The following SLC29A3 variants were observed in gnomAD, a reference collection of about 807,000 sequenced individuals.
The protein encoded by SLC29A3 is solute carrier family 29 member 3, also known as equilibrative nucleoside transporter 3.
A neutral mutation model predicts 25.4 loss-of-function variants in SLC29A3; 18 were observed. The ratio of observed to expected loss-of-function variants is 0.71; its 90% CI spans 0.49 to 1.05. The LOEUF is 1.05. SLC29A3 is among the 50% of genes least tolerant of loss of function. SLC29A3 has a pLI of 0.00. For missense variants in SLC29A3, 586 were observed against 609.0 expected (o/e 0.96, Z 0.40); for synonymous variants, 258 against 267.1 (o/e 0.97, Z 0.33).
At position 71,374,630 on chromosome 10, in the gene SLC29A3, G is replaced by C. The variant is rs189651080; in HGVS notation, c.*95-1065G>C. Among the ~76,000 whole-genome samples, 3 of 152,318 alleles carry C rather than the reference G, an allele frequency of 2.0e-5. No homozygotes were observed. The East Asian group carries it at 5.8e-4, about 29-fold the overall frequency. On this transcript the variant is annotated intron_variant and NMD_transcript_variant, in intron 3 of 4. Transcript: ENST00000642772. ...CCCTGTCCCCATCTCCATCCTGGAA[G>C]GGTGCAGGTCCTCAGCTGGCAGCGG...
At chr10:71,319,354 C>A (rs1466816175) in intron 1 of SLC29A3, 44 bp downstream of exon 1, 3 of 619,802 alleles carry the variant, frequency 4.8e-6, no homozygotes, top group South Asian at 1.7e-5. Context: ...CGGTCCCGGC[C>A]GCCCCCAGAC....
At chr10:71,334,951 T>C (rs966304966) in intron 2 of SLC29A3, among the ~76,000 whole-genome samples, 3 of 131,250 alleles carry the variant, frequency 2.3e-5, no homozygotes, top group African/African-American at 3.2e-5. Flanking sequence ...TGACTCTTTT[T>C]TTTTCTTTTT....
chr10:71,334,679 A>G (rs979542037), intron 2 of SLC29A3, among the ~76,000 whole-genome samples: 26 of 152,204 alleles, frequency 1.7e-4, no homozygotes, highest in African/African-American at 5.5e-4. Flanking sequence ...AAGAACCGCC[A>G]TCGCTGGATT....
chr10:71,333,197 CTGCAGCACTGGG>C (rs756783976), intron 2 of SLC29A3, among the ~76,000 whole-genome samples: 47 of 152,388 alleles, frequency 3.1e-4, no homozygotes, highest in South Asian at 1.2e-3. Flanking sequence ...TGGGAAGGGT[CTGCAGCACTGGG>C]TGCCTGGGAC....
chr10:71,335,273 G>C (rs1846218357), intron 2 of SLC29A3, among the ~76,000 whole-genome samples: 1 of 152,082 alleles, frequency 6.6e-6, no homozygotes, highest in African/African-American at 2.4e-5. Context: ...CCCCTCTTTA[G>C]GCAGCTGCCT....
At chr10:71,330,592 G>A (rs756110489) in intron 2 of SLC29A3, among the ~76,000 whole-genome samples, 2 of 152,220 alleles carry the variant, frequency 1.3e-5, no homozygotes, top group African/African-American at 4.8e-5. Flanking sequence ...ATGCTCTGTC[G>A]CCCTTGGGCC....
downstream of SLC29A3, among the ~76,000 whole-genome samples, chr10:71,363,610 C>T (rs1847126326): frequency 6.6e-6 from 1 of 151,344 alleles, no homozygotes; most frequent in African/African-American, 2.4e-5. Context: ...ACTACAGGTG[C>T]ACACCACCAT....
Position 71,375,506 on chromosome 10 carries a change from T to G in SLC29A3, c.*95-189T>G, listed in dbSNP as rs577497620. ...CCCACTAGAATTGAAAACAATATTT[T>G]AATTTTCATCTCTTTATGTGGTTTC... On this transcript the variant is annotated intron_variant and NMD_transcript_variant, in intron 3 of 4. Transcript: ENST00000642772. Among the ~76,000 whole-genome samples, 56 of 152,364 alleles carry G rather than the reference T, an allele frequency of 3.7e-4. No individual in the cohort carries two copies. The Middle Eastern group carries it at 0.01, about 28-fold the overall frequency.
rs540449786 is a variant in SLC29A3, at chr10:71,340,917, T to C, written c.301-3292T>C. ...GAAGTAAGAGGGAGGGAAAGGGAAG[T>C]AGGGCTGGGACACAGAGAGCAAACA... is the stretch of plus-strand genomic sequence containing the variant. On this transcript the variant is annotated intron_variant, in intron 2 of 5. Coordinates refer to ENST00000373189, the MANE Select transcript of SLC29A3 (RefSeq NM_018344.6). 2.0e-5 allele frequency among the ~76,000 whole-genome samples: 3 copies of C among 151,990 alleles called. No individual in the cohort carries two copies. In the South Asian group the frequency reaches 6.2e-4, roughly 32 times the overall value.
intron 3 of SLC29A3, among the ~76,000 whole-genome samples, chr10:71,370,018 G>T (rs780694): frequency 1.3e-5 from 2 of 152,072 alleles, no homozygotes; most frequent in African/African-American, 2.4e-5. Flanking sequence ...GAACTTGTCC[G>T]GTGTGAGGGA....
chr10:71,379,406 T>A (rs1045676158), intron 4 of SLC29A3, among the ~76,000 whole-genome samples: 5 of 152,220 alleles, frequency 3.3e-5, no homozygotes, highest in Admixed American at 6.5e-5. Flanking sequence ...TAACAGCCAA[T>A]GTCCCAAACA....
chr10:71,372,060 G>T (rs1405789577), intron 3 of SLC29A3, among the ~76,000 whole-genome samples: 1 of 152,194 alleles, frequency 6.6e-6, no homozygotes, highest in Non-Finnish European at 1.5e-5. Flanking sequence ...TTCAGTCCTG[G>T]TTAAGTAGTG....
intron 4 of SLC29A3, among the ~76,000 whole-genome samples, chr10:71,377,618 T>C (rs1438661564): frequency 6.6e-6 from 1 of 152,190 alleles, no homozygotes; most frequent in Admixed American, 6.5e-5. Flanking sequence ...CTGGAAGAAC[T>C]GGCAAGAAAG....
intron 1 of SLC29A3, among the ~76,000 whole-genome samples, chr10:71,322,511 C>T (rs1845868838): frequency 6.6e-6 from 1 of 152,222 alleles, no homozygotes. Context: ...ACCTCTGTTG[C>T]CCTTGCATGG....
intron 3 of SLC29A3, among the ~76,000 whole-genome samples, chr10:71,371,642 G>A (rs1316639289): frequency 6.6e-6 from 1 of 152,202 alleles, no homozygotes; most frequent in Non-Finnish European, 1.5e-5. Context: ...CAGACTGCCT[G>A]ATTTTGAACC....
chr10:71,359,790 C>G (rs866063255), intron 5 of SLC29A3, among the ~76,000 whole-genome samples: 1 of 152,202 alleles, frequency 6.6e-6, no homozygotes, highest in Admixed American at 6.5e-5. Context: ...GAAACCAGAA[C>G]CAAGTTACTG....
chr10:71,372,010 C>G (rs1460152894), intron 3 of SLC29A3, among the ~76,000 whole-genome samples: 2 of 152,152 alleles, frequency 1.3e-5, no homozygotes, highest in Non-Finnish European at 2.9e-5. Context: ...AGGAGGATTC[C>G]TTTTAGAGAG....
intron 2 of SLC29A3, among the ~76,000 whole-genome samples, chr10:71,337,947 C>G (rs374719964): frequency 2.0e-5 from 3 of 152,352 alleles, no homozygotes; most frequent in African/African-American, 7.2e-5. Context: ...TGTTCGCAAA[C>G]TGGGTCAGTG....
At chr10:71,379,268 G>A (rs986440642) in intron 4 of SLC29A3, among the ~76,000 whole-genome samples, 8 of 152,182 alleles carry the variant, frequency 5.3e-5, no homozygotes, top group African/African-American at 1.9e-4. Context: ...GAAAATTGTA[G>A]GAGGCCATTG....
Sources: gnomAD v4.1 joint callset for allele counts (sites outside exome capture counted in the v4.1 genomes callset) on GRCh38, gnomAD v4.1.1 for gene constraint, MANE v1.5 for transcripts, NCBI Gene and HGNC (gene_info 2026-07-23, HGNC 2026-07-21) for gene names.